The following PWP1 variants were observed in gnomAD, a reference collection of about 807,000 sequenced individuals.
PWP1 encodes the protein periodic tryptophan protein 1 homolog.
In PWP1, 47 loss-of-function variants were observed where a neutral mutation model predicts 69.9. The ratio of observed to expected loss-of-function variants is 0.67; its 90% CI spans 0.53 to 0.86. The LOEUF (loss-of-function observed/expected upper bound fraction) is 0.86, where lower values mean the gene tolerates loss of function less well. Among genes scored for constraint, PWP1 ranks in the 40% least tolerant of loss-of-function variants. The pLI is 0.00. For missense variants in PWP1, 551 were observed against 608.8 expected (o/e 0.91, Z 1.00); for synonymous variants, 222 against 208.2 (o/e 1.07, Z -0.57).
At chr12:107,693,990 A>G (rs1829866871) in intron 5 of PWP1, among the ~76,000 whole-genome samples, 1 of 152,212 alleles carries the variant, frequency 6.6e-6, no homozygotes, top group Admixed American at 6.5e-5. Flanking sequence ...TTTCTTACTT[A>G]AGGAATATTT....
intron 5 of PWP1, among the ~76,000 whole-genome samples, chr12:107,693,775 A>G (rs1889530348): frequency 6.6e-6 from 1 of 152,150 alleles, no homozygotes; most frequent in African/African-American, 2.4e-5. Flanking sequence ...CTGAGTTAAT[A>G]ACTTGCCACC....
At chr12:107,697,688 T>C in intron 7 of PWP1, 91 bp downstream of exon 7, 1 of 1,304,008 alleles carries the variant, frequency 7.7e-7, no homozygotes, top group Non-Finnish European at 1.1e-6. Context: ...ACTTTTTCAA[T>C]CAGGTATTCT....
At chr12:107,709,671 G>A (rs968067080) in intron 13 of PWP1, among the ~76,000 whole-genome samples, 2 of 152,014 alleles carry the variant, frequency 1.3e-5, no homozygotes, top group African/African-American at 4.8e-5. Context: ...GAAAAATTTA[G>A]AAATAACCAG....
At chr12:107,711,366 A>G (rs1391648768) in intron 14 of PWP1, among the ~76,000 whole-genome samples, 6 of 152,166 alleles carry the variant, frequency 3.9e-5, no homozygotes, top group African/African-American at 1.4e-4. Context: ...ACGGTGCTGA[A>G]GAGATTTTGT....
chr12:107,686,088 G>C (rs1889357866), intron 1 of PWP1, 117 bp downstream of exon 1: 3 of 1,140,228 alleles, frequency 2.6e-6, no homozygotes, highest in Non-Finnish European at 2.6e-6. Flanking sequence ...ACTGGCTGGG[G>C]TGAGGGCGGC....
At position 107,692,859 on chromosome 12, in the gene PWP1, G is replaced by C; in HGVS notation, c.365G>C (p.Gly122Ala). ...TCTCTCTTGGGTCTTACGGTCTACG[G>C]GAGTAATGATCAAGATCCTTACGTT... Reference protein sequence around the residue: ...GESLLGLTVYGSNDQDPYVTL... With the variant: ...GESLLGLTVYASNDQDPYVTL... The change falls in exon 4 of 15, where the codon GGG becomes GCG. Residue 122 changes from glycine (G) to alanine (A), a missense_variant. Gly to Ala is a moderately conservative substitution (Grantham distance 60). Transcript: ENST00000412830. 2 of 1,613,908 alleles carry C rather than the reference G, an allele frequency of 1.2e-6. No individual in the cohort carries two copies. Among genetic ancestry groups the C allele is most frequent in the South Asian group, 2.2e-5 (2 of 91,068 alleles).
intron 11 of PWP1, among the ~76,000 whole-genome samples, chr12:107,707,866 T>C (rs1033297852): frequency 3.3e-5 from 5 of 152,192 alleles, no homozygotes; most frequent in African/African-American, 7.2e-5. Context: ...ATTCTGTTTT[T>C]TCGTTGTGTC....
At position 107,685,835 on chromosome 12, in the gene PWP1, G is replaced by T; in HGVS notation, c.-65G>T. On this transcript the variant is annotated 5_prime_UTR_variant, in exon 1 of 15. Coordinates refer to ENST00000412830, the MANE Select transcript of PWP1 (RefSeq NM_007062.3). ...GCAGATCCCTGAGCGTGTGGCAGCAGTGCGGTCGTGGTCCCTCCCTATGCA... is the reference window on the plus strand; with the variant it reads ...GCAGATCCCTGAGCGTGTGGCAGCATTGCGGTCGTGGTCCCTCCCTATGCA... 2 of 1,556,856 alleles carry T rather than the reference G, an allele frequency of 1.3e-6. No individual in the cohort carries two copies. The highest frequency in any genetic ancestry group is 2.2e-5 in the South Asian group (2 of 89,846).
intron 13 of PWP1, among the ~76,000 whole-genome samples, 183 bp downstream of exon 13, chr12:107,709,415 G>T (rs1889897541): frequency 6.6e-6 from 1 of 152,106 alleles, no homozygotes; most frequent in African/African-American, 2.4e-5. Context: ...CGCTTTGTGG[G>T]GAATTCAGTG....
chr12:107,710,328 T>TA lies in PWP1; in HGVS notation c.1291-76dup, dbSNP rs1461873733. Reference sequence around the variant, plus strand: ...AATAACCATTTAAATCATAGATTCTTAGAGACAACAGTGAGGATCTAGATA... The same window carrying TA: ...AATAACCATTTAAATCATAGATTCTTAAGAGACAACAGTGAGGATCTAGATA... On this transcript the variant is annotated intron_variant, in intron 13 of 14. Transcript: ENST00000412830. The TA allele has an allele frequency of 2.6e-6, 4 of 1,564,818 alleles. No individual in the cohort carries two copies. The Admixed American group carries it at 7.8e-5, about 31-fold the overall frequency.
chr12:107,689,398 C>T (rs1455561906), intron 3 of PWP1, among the ~76,000 whole-genome samples: 1 of 152,028 alleles, frequency 6.6e-6, no homozygotes, highest in Non-Finnish European at 1.5e-5. Context: ...ATGTATCCCC[C>T]GTGGATAAGG....
At position 107,709,405 on chromosome 12, in the gene PWP1, C is replaced by T. The variant is rs186550574; in HGVS notation, c.1290+173C>T. ...TTTGGTGGGATTTTATGACTTAGAACGCTTTGTGGGGAATTCAGTGACTGG... is the reference window on the plus strand; with the variant it reads ...TTTGGTGGGATTTTATGACTTAGAATGCTTTGTGGGGAATTCAGTGACTGG... On this transcript the variant is annotated intron_variant, in intron 13 of 14. Transcript: ENST00000412830. Among the ~76,000 whole-genome samples the T allele has an allele frequency of 1.1e-3, 168 of 152,020 alleles. 1 individual carries two copies. Among genetic ancestry groups the T allele is most frequent in the Non-Finnish European group, 1.8e-3 (122 of 67,988 alleles).
chr12:107,702,149 G>A (rs1490403535), intron 8 of PWP1, among the ~76,000 whole-genome samples: 2 of 152,124 alleles, frequency 1.3e-5, no homozygotes, highest in African/African-American at 4.8e-5. Flanking sequence ...AGTAAGTTTT[G>A]ATGCCAGGAA....
intron 9 of PWP1, among the ~76,000 whole-genome samples, chr12:107,703,316 A>G (rs371625529): frequency 6.6e-6 from 1 of 152,188 alleles, no homozygotes; most frequent in Non-Finnish European, 1.5e-5. Context: ...GTCAGTCACA[A>G]TGGTAACACC....
At chr12:107,700,877 T>C (rs1402369332) in intron 8 of PWP1, among the ~76,000 whole-genome samples, 12 of 150,246 alleles carry the variant, frequency 8.0e-5, no homozygotes, top group Admixed American at 7.4e-4. Flanking sequence ...TGGTATATCA[T>C]TGCGGTTTTA....
At chr12:107,692,517 C>G (rs1217269652) in intron 3 of PWP1, among the ~76,000 whole-genome samples, 1 of 152,190 alleles carries the variant, frequency 6.6e-6, no homozygotes, top group Non-Finnish European at 1.5e-5. Flanking sequence ...AGGGAGCTAG[C>G]TAGAGAATCT....
At chr12:107,710,620 T>TCAAGCAATCCTTGGTCCTCAGCCTTCTG (rs1889933207) in intron 14 of PWP1, 110 bp downstream of exon 14, 2 of 1,402,794 alleles carry the variant, frequency 1.4e-6, no homozygotes, top group African/African-American at 2.9e-5. Flanking sequence ...ACTCCTGGCC[T>TCAAGCAATCCTTGGTCCTCAGCCTTCTG]CAAGCAATCC....
Position 107,696,361 on chromosome 12 carries a change from C to G in PWP1, c.503-113C>G, listed in dbSNP as rs1593144099. 6.4e-6 allele frequency: 9 copies of G among 1,406,946 alleles called. No homozygotes were observed. In the East Asian group the frequency reaches 2.3e-4, roughly 35 times the overall value. The allele number at this position is 1,406,946 out of a possible 1,614,324, so 87.2% of individuals were successfully genotyped here. ...AATCTCTTTATAATATCAGATGTCT[C>G]ACTTTAAAGCACATGGCTCACGTAC... On this transcript the variant is annotated intron_variant, in intron 5 of 14. Coordinates refer to ENST00000412830, the MANE Select transcript of PWP1 (RefSeq NM_007062.3).
At position 107,693,008 on chromosome 12, in the gene PWP1, T is replaced by G. The variant is rs1889513933; in HGVS notation, c.414T>G (p.Tyr138Ter). Residue 138 changes from tyrosine (Y) to a stop codon, truncating the protein, a stop_gained, in exon 5 of 15, where the codon TAT becomes TAG. Transcript: ENST00000412830. LOFTEE classifies it high-confidence loss of function. ...TTTTTCCTCTCACTTAGGAACAATA[T>G]GAACGTGAAGATTTCTTGATTAAGC... ...PYVTLKDTEQ[Y>*]EREDFLIKPS... The G allele has an allele frequency of 1.2e-6, 2 of 1,614,060 alleles. No homozygotes were observed. Among genetic ancestry groups the G allele is most frequent in the Admixed American group, 1.7e-5 (1 of 60,006 alleles).
Sources: allele counts gnomAD v4.1 joint callset (sites outside exome capture counted in the v4.1 genomes callset), GRCh38; gene constraint gnomAD v4.1.1; transcripts MANE v1.5; gene names NCBI Gene and HGNC (gene_info 2026-07-23, HGNC 2026-07-21).